SANBR: variants seen among roughly 807,000 people sequenced by gnomAD.
The protein encoded by SANBR is SANT and BTB domain regulator of CSR, also known as SANT and BTB domain regulator of class switch recombination.
SANBR carries 77 observed loss-of-function variants against 101.8 expected under a neutral mutation model. That is an observed-to-expected ratio of 0.76 (90% CI 0.63 to 0.91). The LOEUF (loss-of-function observed/expected upper bound fraction) is 0.91, where lower values mean the gene tolerates loss of function less well. Among genes scored for constraint, SANBR ranks in the 40% least tolerant of loss-of-function variants. SANBR has a pLI of 0.00. For synonymous variants in SANBR, 279 were observed against 274.7 expected (o/e 1.02, Z -0.15); for missense variants, 875 against 853.0 (o/e 1.03, Z -0.32).
chr2:61,112,734 T>A (rs1305177219), intron 16 of SANBR, among the ~76,000 whole-genome samples: 1 of 152,234 alleles, frequency 6.6e-6, no homozygotes, highest in African/African-American at 2.4e-5. Flanking sequence ...CCTCAGGTGA[T>A]CCGCCTGCCT....
intron 11 of SANBR, among the ~76,000 whole-genome samples, chr2:61,094,832 A>G (rs554419857): frequency 1.2e-4 from 19 of 152,106 alleles, no homozygotes; most frequent in African/African-American, 4.3e-4. Flanking sequence ...TTTAGTAGAA[A>G]TGGGGTTTCA....
intron 20 of SANBR, among the ~76,000 whole-genome samples, chr2:61,118,844 G>A (rs965869711): frequency 6.6e-6 from 1 of 152,176 alleles, no homozygotes; most frequent in Admixed American, 6.5e-5. Flanking sequence ...ATAGGCGTGA[G>A]CCACAATGCC....
At chr2:61,076,087 G>A (rs977445431) in intron 5 of SANBR, among the ~76,000 whole-genome samples, 4 of 151,364 alleles carry the variant, frequency 2.6e-5, no homozygotes, top group African/African-American at 7.3e-5. Flanking sequence ...TCCGCCTCCC[G>A]AGTTCACACC....
At chr2:61,089,207 G>C in intron 10 of SANBR, 1 of 985,098 alleles carries the variant, frequency 1.0e-6, no homozygotes, top group Non-Finnish European at 1.2e-6. Context: ...TTCATACTTT[G>C]TCAGTATTTC....
chr2:61,118,488 A>G (rs1392098971), intron 20 of SANBR, among the ~76,000 whole-genome samples: 1 of 148,700 alleles, frequency 6.7e-6, no homozygotes, highest in Admixed American at 6.7e-5. Context: ...TGATCCACCC[A>G]CTTTGGCCTC....
intron 4 of SANBR, among the ~76,000 whole-genome samples, chr2:61,072,178 A>C (rs1056143762): frequency 6.6e-6 from 1 of 151,910 alleles, no homozygotes; most frequent in Non-Finnish European, 1.5e-5. Context: ...AGCTCAGGCC[A>C]TCCGTCCGCC....
chr2:61,132,923 G>A (rs1421879380), intron 20 of SANBR, among the ~76,000 whole-genome samples: 4 of 152,210 alleles, frequency 2.6e-5, no homozygotes, highest in Non-Finnish European at 5.9e-5. Context: ...TATCCAGAAT[G>A]GGTAAATCCA....
chr2:61,122,355 T>G lies in SANBR; in HGVS notation c.*193T>G. The G allele has an allele frequency of 8.0e-7, 1 of 1,256,186 alleles. No homozygotes were observed. The highest frequency in any genetic ancestry group is 1.0e-6 in the Non-Finnish European group (1 of 983,726). The allele number at this position is 1,256,186 out of a possible 1,614,324, so 77.8% of individuals were successfully genotyped here. A position where few individuals can be genotyped will look rare whatever the true frequency, so the allele number is the denominator to read the frequency against. ...AAATCTAATTGTAAATATGAAACTT[T>G]TTAAATCTGATTTTCTTCTAATATC... On this transcript the variant is annotated 3_prime_UTR_variant, in exon 22 of 22. Transcript: ENST00000402291.
downstream of SANBR, among the ~76,000 whole-genome samples, chr2:61,126,769 CAA>C (rs34858449): frequency 0.14 from 15,441 of 109,034 alleles, 913 homozygotes; most frequent in Admixed American, 0.18. Context: ...GCCACTGTCT[CAA>C]AAAAAAAAAA....
chr2:61,126,101 A>C (rs1470932558), downstream of SANBR, among the ~76,000 whole-genome samples: 2 of 152,200 alleles, frequency 1.3e-5, no homozygotes, highest in African/African-American at 4.8e-5. Flanking sequence ...TAACATAATC[A>C]AAACAGAACT....
chr2:61,080,321 CTTAA>C (rs766702059), intron 6 of SANBR, among the ~76,000 whole-genome samples: 2 of 151,882 alleles, frequency 1.3e-5, no homozygotes, highest in African/African-American at 2.4e-5. Flanking sequence ...TACCAAAATG[CTTAA>C]TTAAATTTCT....
chr2:61,075,503 C>T (rs1681719153), intron 5 of SANBR, among the ~76,000 whole-genome samples: 1 of 152,320 alleles, frequency 6.6e-6, no homozygotes, highest in African/African-American at 2.4e-5. Flanking sequence ...AAGCAATCCT[C>T]CTGCCTTGGC....
At chr2:61,100,246 A>G (rs904678397) in intron 12 of SANBR, among the ~76,000 whole-genome samples, 5 of 152,144 alleles carry the variant, frequency 3.3e-5, no homozygotes, top group Non-Finnish European at 7.3e-5. Context: ...CTGGGATTAC[A>G]GGCATGTGCC....
chr2:61,097,920 A>G (rs1683106358), intron 12 of SANBR, 68 bp downstream of exon 12: 3 of 1,290,098 alleles, frequency 2.3e-6, no homozygotes, highest in East Asian at 4.7e-5. Flanking sequence ...TTAATGTATA[A>G]AAGACTTCAA....
At chr2:61,083,068 T>A in intron 7 of SANBR, 86 bp from the exon 8 acceptor site, 1 of 1,090,724 alleles carries the variant, frequency 9.2e-7, no homozygotes, top group East Asian at 2.4e-5. Context: ...GATTAGACTT[T>A]TAATGAATTT....
At chr2:61,111,245 T>G (rs1394603824) in intron 16 of SANBR, among the ~76,000 whole-genome samples, 2 of 151,988 alleles carry the variant, frequency 1.3e-5, no homozygotes, top group African/African-American at 2.4e-5. Flanking sequence ...TACAAAAAAT[T>G]AGCCAGGCGT....
intron 21 of SANBR, among the ~76,000 whole-genome samples, chr2:61,135,168 T>C (rs1684807359): frequency 6.6e-6 from 1 of 152,210 alleles, no homozygotes; most frequent in Admixed American, 6.5e-5. Flanking sequence ...GATATAACTG[T>C]TGGTTGTTTT....
At chr2:61,121,557 G>A (rs1004065120) in intron 21 of SANBR, 2 of 251,764 alleles carry the variant, frequency 7.9e-6, no homozygotes, top group Non-Finnish European at 1.6e-5. Flanking sequence ...GCTACTGGAA[G>A]TAGCAGAATT....
intron 6 of SANBR, among the ~76,000 whole-genome samples, chr2:61,080,132 G>A (rs1474295677): frequency 1.3e-5 from 2 of 148,804 alleles, no homozygotes; most frequent in African/African-American, 5.0e-5. Flanking sequence ...GGAAGGCGGA[G>A]GTTGCAGTGA....
Sources: gnomAD v4.1 joint callset for allele counts (sites outside exome capture counted in the v4.1 genomes callset) on GRCh38, gnomAD v4.1.1 for gene constraint, MANE v1.5 for transcripts, NCBI Gene and HGNC (gene_info 2026-07-23, HGNC 2026-07-21) for gene names.